Variants in DOK5 observed in about 807,000 individuals in gnomAD.
The protein encoded by DOK5 is downstream of tyrosine kinase 5.
Under a neutral mutation model 43.3 loss-of-function variants are expected in DOK5, and 27 were observed. The observed-to-expected ratio is 0.62, with a 90% CI of 0.46 to 0.86. DOK5 has a LOEUF of 0.86. Ranked by LOEUF, DOK5 falls within the 40% of genes least tolerant of loss-of-function variation. The probability of loss-of-function intolerance (pLI) is 0.00; values close to 1 mark genes in which losing one functional copy is unlikely to be tolerated. For synonymous variants in DOK5, 146 were observed against 140.1 expected (o/e 1.04, Z -0.30); for missense variants, 373 against 392.9 (o/e 0.95, Z 0.43).
chr20:54,557,275 C>T (rs115546826), intron 2 of DOK5, among the ~76,000 whole-genome samples: 25 of 152,280 alleles, frequency 1.6e-4, no homozygotes, highest in South Asian at 1.0e-3. Flanking sequence ...TTTCCACAGA[C>T]GGGGTTGGGG....
At chr20:54,603,395 C>G (rs943009072) in intron 5 of DOK5, among the ~76,000 whole-genome samples, 1 of 152,222 alleles carries the variant, frequency 6.6e-6, no homozygotes, top group South Asian at 2.1e-4. Flanking sequence ...GTGATTGGAA[C>G]AGGAAAGACA....
At chr20:54,496,268 A>G (rs970861835) in intron 1 of DOK5, among the ~76,000 whole-genome samples, 1 of 152,216 alleles carries the variant, frequency 6.6e-6, no homozygotes, top group Non-Finnish European at 1.5e-5. Context: ...TAGAAATACC[A>G]GTTTCTCCTT....
intron 1 of DOK5, among the ~76,000 whole-genome samples, chr20:54,498,354 CATAA>C (rs1449033585): frequency 7.9e-5 from 12 of 152,278 alleles, no homozygotes; most frequent in African/African-American, 2.6e-4. Flanking sequence ...CTCCCATTGT[CATAA>C]ATTAGAGGAT....
At chr20:54,638,031 A>G (rs1978917105) in intron 6 of DOK5, among the ~76,000 whole-genome samples, 2 of 151,616 alleles carry the variant, frequency 1.3e-5, no homozygotes, top group Non-Finnish European at 2.9e-5. Flanking sequence ...CTGAGGCAGG[A>G]GAATGGTGTG....
At chr20:54,481,356 G>T (rs570979371) in intron 1 of DOK5, among the ~76,000 whole-genome samples, 1 of 152,082 alleles carries the variant, frequency 6.6e-6, no homozygotes, top group Non-Finnish European at 1.5e-5. Context: ...TTTTAATAGA[G>T]ACAGGGTTTC....
At chr20:54,579,283 A>T (rs541176688) in intron 2 of DOK5, among the ~76,000 whole-genome samples, 2 of 152,250 alleles carry the variant, frequency 1.3e-5, no homozygotes, top group African/African-American at 4.8e-5. Flanking sequence ...TTAACTTAAT[A>T]AAAAAATACA....
intron 1 of DOK5, among the ~76,000 whole-genome samples, chr20:54,496,041 C>T (rs1477341472): frequency 6.6e-6 from 1 of 152,096 alleles, no homozygotes; most frequent in Non-Finnish European, 1.5e-5. Flanking sequence ...CAGGATCAAG[C>T]GTGTGTGAAG....
At chr20:54,525,913 G>A (rs7266905) in intron 1 of DOK5, among the ~76,000 whole-genome samples, 3,963 of 152,212 alleles carry the variant, frequency 0.026, 167 homozygotes, top group African/African-American at 0.091. Context: ...CTACAGATTC[G>A]GGGCCAAACA....
intron 6 of DOK5, among the ~76,000 whole-genome samples, chr20:54,611,055 G>C (rs1986635679): frequency 6.6e-6 from 1 of 152,172 alleles, no homozygotes; most frequent in Admixed American, 6.5e-5. Flanking sequence ...GTAACTGTTG[G>C]AAATTAATTC....
chr20:54,639,920 C>T (rs988285095), intron 6 of DOK5, among the ~76,000 whole-genome samples: 1 of 152,160 alleles, frequency 6.6e-6, no homozygotes, highest in African/African-American at 2.4e-5. Context: ...TTAATCAAAA[C>T]AAGACGATTA....
chr20:54,595,155 C>T (rs543575433), intron 5 of DOK5, among the ~76,000 whole-genome samples: 1 of 152,146 alleles, frequency 6.6e-6, no homozygotes, highest in Non-Finnish European at 1.5e-5. Flanking sequence ...TCCTGGCTAA[C>T]ACGGTGAAAC....
At chr20:54,611,497 G>C (rs1159560645) in intron 6 of DOK5, among the ~76,000 whole-genome samples, 1 of 152,094 alleles carries the variant, frequency 6.6e-6, no homozygotes, top group Non-Finnish European at 1.5e-5. Flanking sequence ...GGAGGTGAAG[G>C]CTACAGTGAG....
At chr20:54,496,496 G>A (rs1259314148) in intron 1 of DOK5, among the ~76,000 whole-genome samples, 3 of 152,108 alleles carry the variant, frequency 2.0e-5, no homozygotes, top group African/African-American at 7.2e-5. Flanking sequence ...AGCTGAGCAC[G>A]GTGGCTCATG....
At chr20:54,624,787 T>A (rs1987086012) in intron 6 of DOK5, among the ~76,000 whole-genome samples, 1 of 152,212 alleles carries the variant, frequency 6.6e-6, no homozygotes. Context: ...TCATTCCCCA[T>A]GAAAATAACC....
At chr20:54,527,990 T>C (rs1488555974) in intron 1 of DOK5, among the ~76,000 whole-genome samples, 3 of 152,178 alleles carry the variant, frequency 2.0e-5, no homozygotes, top group African/African-American at 7.2e-5. Flanking sequence ...GTGGATCACC[T>C]GAGGTCAGGT....
chr20:54,524,506 A>T (rs185696362), intron 1 of DOK5, among the ~76,000 whole-genome samples: 1 of 152,292 alleles, frequency 6.6e-6, no homozygotes, highest in African/African-American at 2.4e-5. Context: ...CTAACACTGA[A>T]ACAGCCTATT....
chr20:54,619,641 G>C (rs967027041), intron 6 of DOK5, among the ~76,000 whole-genome samples: 2 of 152,206 alleles, frequency 1.3e-5, no homozygotes, highest in Non-Finnish European at 2.9e-5. Flanking sequence ...ACACAGGCTT[G>C]AGAGTTCAAT....
intron 6 of DOK5, among the ~76,000 whole-genome samples, chr20:54,620,296 C>T (rs981597474): frequency 7.9e-5 from 12 of 152,054 alleles, no homozygotes; most frequent in South Asian, 4.2e-4. Context: ...TGGAGTGCAG[C>T]GGTGCAATCT....
intron 6 of DOK5, among the ~76,000 whole-genome samples, chr20:54,631,644 T>C (rs1280589737): frequency 2.0e-5 from 3 of 152,132 alleles, no homozygotes; most frequent in East Asian, 3.9e-4. Context: ...ATAAAAAATA[T>C]AGCAAAAGGA....
Sources: allele counts gnomAD v4.1 joint callset (sites outside exome capture counted in the v4.1 genomes callset), GRCh38; gene constraint gnomAD v4.1.1; transcripts MANE v1.5; gene names NCBI Gene and HGNC (gene_info 2026-07-23, HGNC 2026-07-21).